The following RTKN2 variants were observed in gnomAD, a reference collection of about 807,000 sequenced individuals.
RTKN2 encodes rhotekin 2, also known as rhotekin-2.
A neutral mutation model predicts 71.5 loss-of-function variants in RTKN2; 69 were observed. The ratio of observed to expected loss-of-function variants is 0.96; its 90% CI spans 0.79 to 1.18. The LOEUF is 1.18. Among genes scored for constraint, RTKN2 ranks in the 50% most tolerant of loss-of-function variants. RTKN2 has a pLI of 0.00. For synonymous variants in RTKN2, 236 were observed against 236.5 expected, an observed-to-expected ratio of 1.00 and a Z score of 0.02; for missense variants, 724 against 719.7, an observed-to-expected ratio of 1.01 and a Z score of -0.07.
At position 62,197,041 on chromosome 10, in the gene RTKN2, A is replaced by T; in HGVS notation, c.*867T>A. ...AAAATTTTAAAAAAGAATTCTGAAAATTATTTACCATGGCCAACTTTTCTG... is the reference window on the plus strand; with the variant it reads ...AAAATTTTAAAAAAGAATTCTGAAATTTATTTACCATGGCCAACTTTTCTG... On this transcript the variant is annotated 3_prime_UTR_variant, in exon 12 of 12. Transcript: ENST00000373789. 1 of 976,386 alleles carries T rather than the reference A, an allele frequency of 1.0e-6. No homozygotes were observed. Among genetic ancestry groups the T allele is most frequent in the African/African-American group, 1.8e-5 (1 of 57,116 alleles). The allele number at this position is 976,386 out of a possible 1,614,324, so 60.5% of individuals were successfully genotyped here. A position where few individuals can be genotyped will look rare whatever the true frequency, so the allele number is the denominator to read the frequency against.
chr10:62,204,120 G>C (rs12245889), intron 10 of RTKN2, among the ~76,000 whole-genome samples: 7,102 of 152,136 alleles, frequency 0.047, 520 homozygotes, highest in African/African-American at 0.16. Flanking sequence ...AATACTGGTA[G>C]TATCTATCAG....
At chr10:62,219,153 T>G (rs1841847506) in intron 7 of RTKN2, among the ~76,000 whole-genome samples, 1 of 152,024 alleles carries the variant, frequency 6.6e-6, no homozygotes, top group Non-Finnish European at 1.5e-5. Flanking sequence ...GAGAAGGAGC[T>G]GTGGTGTGCT....
At chr10:62,218,968 A>G (rs995099947) in intron 7 of RTKN2, among the ~76,000 whole-genome samples, 2 of 152,120 alleles carry the variant, frequency 1.3e-5, no homozygotes, top group Non-Finnish European at 2.9e-5. Context: ...CCTGGGCAAC[A>G]AAGCAAGACT....
In RTKN2 at chr10:62,236,086, C is replaced by T. The variant is rs1004998435; in HGVS notation, c.666G>A (p.Leu222=). ...VLQEEDDEMC[L]LLSSAVFGVK... is the part of the protein sequence containing the mutation. ...CTTACAAAACAGCAGAGCTGAGGAG[C>T]AAGCACATTTCATCATCCTCTTCTT... is the stretch of plus-strand genomic sequence containing the variant. The change falls in exon 6 of 12, where the codon TTG becomes TTA. Residue 222 remains leucine, a synonymous_variant. Transcript: ENST00000373789. 6.2e-7 allele frequency: 1 copy of T among 1,611,990 alleles called. No homozygotes were observed.
At chr10:62,268,026 A>G (rs1035173393) in intron 1 of RTKN2, among the ~76,000 whole-genome samples, 4 of 152,368 alleles carry the variant, frequency 2.6e-5, no homozygotes, top group Admixed American at 2.6e-4. Context: ...GATTTGAGAA[A>G]GAACCCAGTA....
At position 62,196,132 on chromosome 10, in the gene RTKN2, T is replaced by A; in HGVS notation, c.*1776A>T. 1 of 983,612 alleles carries A rather than the reference T, an allele frequency of 1.0e-6. No homozygotes were observed. Among genetic ancestry groups the A allele is most frequent in the East Asian group, 1.1e-4 (1 of 8,812 alleles). 60.9% of individuals were successfully genotyped at this position (983,612 alleles called of 1,614,324 possible). A position where few individuals can be genotyped will look rare whatever the true frequency, so the allele number is the denominator to read the frequency against. On this transcript the variant is annotated 3_prime_UTR_variant, in exon 12 of 12. Coordinates refer to ENST00000373789, the MANE Select transcript of RTKN2 (RefSeq NM_145307.4). ...CTCAATAATTTAGTGGCAATGACAGTCACAAATGCTGTCAAAAACAGCAAT... is the reference window on the plus strand; with the variant it reads ...CTCAATAATTTAGTGGCAATGACAGACACAAATGCTGTCAAAAACAGCAAT...
intron 5 of RTKN2, chr10:62,238,836 T>C (rs971706604): frequency 6.6e-5 from 10 of 152,002 alleles, no homozygotes; most frequent in Non-Finnish European, 1.3e-4. Flanking sequence ...TCTAGCTCCA[T>C]AGCTGAAAAT....
chr10:62,266,338 G>A (rs1189517946), intron 1 of RTKN2, among the ~76,000 whole-genome samples: 5 of 152,120 alleles, frequency 3.3e-5, no homozygotes, highest in Non-Finnish European at 5.9e-5. Flanking sequence ...TTGAACTCCC[G>A]GTAAGACAAC....
At chr10:62,209,254 G>A (rs1179738397) in intron 9 of RTKN2, among the ~76,000 whole-genome samples, 1 of 151,934 alleles carries the variant, frequency 6.6e-6, no homozygotes, top group Non-Finnish European at 1.5e-5. Flanking sequence ...GGCAACACGA[G>A]CGAAACTCCA....
chr10:62,238,004 T>A (rs1359802005), intron 5 of RTKN2, among the ~76,000 whole-genome samples: 1 of 151,852 alleles, frequency 6.6e-6, no homozygotes, highest in East Asian at 1.9e-4. Flanking sequence ...CAATAAAATA[T>A]ACTTAAGACT....
Position 62,196,780 on chromosome 10 carries a change from T to A in RTKN2, c.*1128A>T. The A allele has an allele frequency of 1.0e-6, 1 of 977,926 alleles. No individual in the cohort carries two copies. The highest frequency in any genetic ancestry group is 1.2e-6 in the Non-Finnish European group (1 of 823,100). The allele number at this position is 977,926 out of a possible 1,614,324, so 60.6% of individuals were successfully genotyped here. Reference sequence around the variant, plus strand: ...TCTAATTAGATTTTTAAAACTGTTCTGCTCTTGTTTACAAAAAGCATTATT... The same window carrying A: ...TCTAATTAGATTTTTAAAACTGTTCAGCTCTTGTTTACAAAAAGCATTATT... On this transcript the variant is annotated 3_prime_UTR_variant, in exon 12 of 12. Coordinates refer to ENST00000373789, the MANE Select transcript of RTKN2 (RefSeq NM_145307.4).
intron 6 of RTKN2, among the ~76,000 whole-genome samples, chr10:62,227,620 A>G (rs1265525466): frequency 6.6e-6 from 1 of 152,128 alleles, no homozygotes; most frequent in African/African-American, 2.4e-5. Flanking sequence ...TTGGAGTGAG[A>G]TGTGCAGCAA....
chr10:62,251,433 G>C (rs1020977633), intron 2 of RTKN2, among the ~76,000 whole-genome samples: 1 of 152,118 alleles, frequency 6.6e-6, no homozygotes, highest in African/African-American at 2.4e-5. Flanking sequence ...AAGGATGATG[G>C]AACATACCCC....
intron 9 of RTKN2, among the ~76,000 whole-genome samples, chr10:62,210,172 A>C (rs1841631110): frequency 6.6e-6 from 1 of 152,182 alleles, no homozygotes; most frequent in South Asian, 2.1e-4. Flanking sequence ...TAACTCAAAA[A>C]CTTACAAAAA....
chr10:62,236,762 A>G (rs2132980069), intron 5 of RTKN2, among the ~76,000 whole-genome samples: 1 of 152,122 alleles, frequency 6.6e-6, no homozygotes, highest in Non-Finnish European at 1.5e-5. Flanking sequence ...GTGTGTATAC[A>G]CACACACAAC....
intron 9 of RTKN2, among the ~76,000 whole-genome samples, chr10:62,213,738 A>T (rs1841710393): frequency 6.6e-6 from 1 of 152,144 alleles, no homozygotes; most frequent in Non-Finnish European, 1.5e-5. Context: ...AATCAAAGAG[A>T]TAATGTAAAT....
chr10:62,262,823 T>A lies in RTKN2; in HGVS notation c.61-2A>T. On this transcript the variant is annotated splice_acceptor_variant, in intron 1 of 11. Coordinates refer to ENST00000373789, the MANE Select transcript of RTKN2 (RefSeq NM_145307.4). LOFTEE classifies it high-confidence loss of function. ...TATTTTTTCTTGAATGTTGCAGTCCTAAAAAAAAAATGCATCTTGAAAATA... is the reference window on the plus strand; with the variant it reads ...TATTTTTTCTTGAATGTTGCAGTCCAAAAAAAAAAATGCATCTTGAAAATA... The A allele has an allele frequency of 5.8e-6, 8 of 1,386,494 alleles. No individual in the cohort carries two copies. The highest frequency in any genetic ancestry group is 6.8e-6 in the Non-Finnish European group (7 of 1,023,048). The allele number at this position is 1,386,494 out of a possible 1,614,324, so 85.9% of individuals were successfully genotyped here.
intron 2 of RTKN2, among the ~76,000 whole-genome samples, chr10:62,260,286 A>G (rs1421863495): frequency 5.9e-5 from 9 of 152,234 alleles, no homozygotes; most frequent in Non-Finnish European, 1.0e-4. Context: ...CAAGCGGTAG[A>G]TATTCAGTAT....
At chr10:62,262,553 C>T (rs778200348) in intron 2 of RTKN2, 72 bp downstream of exon 2, 34 of 1,067,570 alleles carry the variant, frequency 3.2e-5, no homozygotes, top group Non-Finnish European at 4.4e-5. Flanking sequence ...GGTACTTAAG[C>T]TTAAATTATA....
Sources: allele counts gnomAD v4.1 joint callset (sites outside exome capture counted in the v4.1 genomes callset), GRCh38; gene constraint gnomAD v4.1.1; transcripts MANE v1.5; gene names NCBI Gene and HGNC (gene_info 2026-07-23, HGNC 2026-07-21).